Variants in SLC9B1 observed in about 807,000 individuals in gnomAD.
SLC9B1 encodes the protein solute carrier family 9 member B1.
A neutral mutation model predicts 51.7 loss-of-function variants in SLC9B1; 32 were observed. That is an observed-to-expected ratio of 0.62 (90% CI 0.47 to 0.83). The LOEUF is 0.83. Ranked by LOEUF, SLC9B1 falls within the 40% of genes least tolerant of loss-of-function variation. The probability of loss-of-function intolerance (pLI) is 0.00; values close to 1 mark genes in which losing one functional copy is unlikely to be tolerated. For missense variants in SLC9B1, 406 were observed against 613.2 expected (o/e 0.66, Z 3.57); for synonymous variants, 145 against 212.7 (o/e 0.68, Z 2.77).
At chr4:102,948,691 T>C (rs1737392283) in intron 4 of SLC9B1, among the ~76,000 whole-genome samples, 1 of 152,156 alleles carries the variant, frequency 6.6e-6, no homozygotes, top group Non-Finnish European at 1.5e-5. Flanking sequence ...AACACCATTA[T>C]CCTAAGTGAA....
intron 2 of SLC9B1, among the ~76,000 whole-genome samples, chr4:102,991,289 T>A (rs1739928509): frequency 6.6e-6 from 1 of 151,986 alleles, no homozygotes; most frequent in African/African-American, 2.4e-5. Flanking sequence ...AAAACTTGGG[T>A]CTCTTCAAAA....
chr4:102,942,176 A>G (rs982672989), intron 6 of SLC9B1, among the ~76,000 whole-genome samples: 22 of 152,204 alleles, frequency 1.4e-4, no homozygotes, highest in African/African-American at 5.1e-4. Context: ...TACAGTGAAA[A>G]CTACAAAACA....
chr4:102,991,635 G>GT lies in SLC9B1; in HGVS notation c.69+7dup. On this transcript the variant is annotated splice_region_variant and intron_variant, in intron 2 of 11. Coordinates refer to ENST00000296422, the MANE Select transcript of SLC9B1 (RefSeq NM_139173.4). ...ATCATATATTACAGTATACTTTTAAGTTTTTACCTGAGGAGTTGTAGATGT... is the reference window on the plus strand; with the variant it reads ...ATCATATATTACAGTATACTTTTAAGTTTTTTACCTGAGGAGTTGTAGATGT... 6 of 1,562,732 alleles carry GT rather than the reference G, an allele frequency of 3.8e-6. No individual in the cohort carries two copies. The highest frequency in any genetic ancestry group is 5.2e-6 in the Non-Finnish European group (6 of 1,149,674).
intron 1 of SLC9B1, among the ~76,000 whole-genome samples, chr4:103,002,180 G>A (rs570233347): frequency 6.6e-6 from 1 of 152,146 alleles, no homozygotes; most frequent in Non-Finnish European, 1.5e-5. Context: ...TGAGATTTGG[G>A]TGGGGACACA....
chr4:102,928,277 CTCAGTT>C (rs1191538557), intron 7 of SLC9B1, among the ~76,000 whole-genome samples: 1 of 152,198 alleles, frequency 6.6e-6, no homozygotes, highest in African/African-American at 2.4e-5. Context: ...AATCATCTCT[CTCAGTT>C]TCAAAGTTCC....
intron 7 of SLC9B1, among the ~76,000 whole-genome samples, chr4:102,918,147 G>T (rs1370897114): frequency 7.2e-6 from 1 of 139,042 alleles, no homozygotes; most frequent in African/African-American, 2.7e-5. Flanking sequence ...CAACAAAATT[G>T]ACAAATAATC....
intron 11 of SLC9B1, chr4:102,892,849 A>C (rs1478710414): frequency 6.6e-6 from 1 of 152,196 alleles, no homozygotes; most frequent in African/African-American, 2.4e-5. Context: ...ATCCCTCATA[A>C]ATTTCTCTGC....
chr4:103,000,787 T>C (rs6845598), intron 1 of SLC9B1, among the ~76,000 whole-genome samples: 8,708 of 152,308 alleles, frequency 0.057, 545 homozygotes, highest in African/African-American at 0.15. Context: ...ATTGAGTGTC[T>C]GCCGACATTA....
chr4:102,969,158 G>A (rs1401912179), intron 3 of SLC9B1, among the ~76,000 whole-genome samples: 10 of 152,234 alleles, frequency 6.6e-5, no homozygotes, highest in Admixed American at 6.5e-4. Flanking sequence ...AAACGTCCCT[G>A]TCTGACAGCT....
chr4:102,986,623 G>C (rs1327011334), intron 3 of SLC9B1, among the ~76,000 whole-genome samples: 2 of 151,940 alleles, frequency 1.3e-5, no homozygotes, highest in African/African-American at 2.4e-5. Context: ...TACACCTTTT[G>C]TAGTGACCCC....
chr4:103,019,639 C>G lies in SLC9B1; in HGVS notation c.-42G>C, dbSNP rs569163342. On this transcript the variant is annotated 5_prime_UTR_variant, in exon 1 of 12. Transcript: ENST00000296422. The stretch of plus-strand genomic sequence containing the variant: ...CAGCCCTCGCTGGCCCGGGAGCGGC[C>G]CAGGAGCCCAGTGACCGTTGCGTAA... 1.0e-6 allele frequency: 1 copy of G among 985,452 alleles called. No homozygotes were observed. Among genetic ancestry groups the G allele is most frequent in the South Asian group, 4.7e-5 (1 of 21,294 alleles). The allele number at this position is 985,452 out of a possible 1,614,324, so 61.0% of individuals were successfully genotyped here.
chr4:102,906,332 A>T (rs931655947), intron 10 of SLC9B1: 7 of 311,726 alleles, frequency 2.2e-5, no homozygotes, highest in Non-Finnish European at 3.4e-5. Flanking sequence ...CTCAGGGAAT[A>T]TATTCAGGGC....
Position 102,949,237 on chromosome 4 carries a change from A to G in SLC9B1, c.382+20T>C. 9 of 1,494,560 alleles carry G rather than the reference A, an allele frequency of 6.0e-6. No homozygotes were observed. The highest frequency in any genetic ancestry group is 8.1e-6 in the Non-Finnish European group (9 of 1,113,782). The allele number at this position is 1,494,560 out of a possible 1,614,324, so 92.6% of individuals were successfully genotyped here. A position where few individuals can be genotyped will look rare whatever the true frequency, so the allele number is the denominator to read the frequency against. On this transcript the variant is annotated intron_variant, in intron 4 of 11. Transcript: ENST00000296422. ...GCATATAGTCAATAATAAAGAAAAGAGAGCTAATTATATACTTACCAAGAA... is the reference window on the plus strand; with the variant it reads ...GCATATAGTCAATAATAAAGAAAAGGGAGCTAATTATATACTTACCAAGAA...
At chr4:102,982,536 CAATT>C (rs1739413722) in intron 3 of SLC9B1, among the ~76,000 whole-genome samples, 4 of 152,152 alleles carry the variant, frequency 2.6e-5, no homozygotes. Flanking sequence ...AAATATTTCT[CAATT>C]TATTTAGTTC....
In SLC9B1 at chr4:103,013,871, T is replaced by G. The variant is rs142575816; in HGVS notation, c.-2+5728A>C. 7.4e-4 allele frequency among the ~76,000 whole-genome samples: 113 copies of G among 152,364 alleles called. 1 individual carries two copies. In the East Asian group the frequency reaches 0.019, roughly 26 times the overall value. ...AAAATTTTATTCATTTCTTTCCAGA[T>G]AAATTGTCACTAGTCCAGTCCAGGC... is the stretch of plus-strand genomic sequence containing the variant. On this transcript the variant is annotated intron_variant, in intron 1 of 11. Transcript: ENST00000296422.
chr4:102,885,383 T>C, intron 11 of SLC9B1: 1 of 1,614,124 alleles, frequency 6.2e-7, no homozygotes. Context: ...CATTGAAGAT[T>C]TGTGTCTTAC....
chr4:102,908,758 T>C (rs1390550003), intron 9 of SLC9B1, among the ~76,000 whole-genome samples: 1 of 152,430 alleles, frequency 6.6e-6, no homozygotes, highest in Admixed American at 6.5e-5. Context: ...TTTACTTTCA[T>C]ACACCAGACA....
At chr4:102,944,371 G>A (rs1181251984) in intron 6 of SLC9B1, among the ~76,000 whole-genome samples, 1 of 152,056 alleles carries the variant, frequency 6.6e-6, no homozygotes, top group African/African-American at 2.4e-5. Flanking sequence ...TGTACCCCTT[G>A]AGCCGAAATA....
At chr4:102,937,493 G>A (rs1006732082) in intron 6 of SLC9B1, among the ~76,000 whole-genome samples, 1 of 149,178 alleles carries the variant, frequency 6.7e-6, no homozygotes, top group African/African-American at 2.5e-5. Flanking sequence ...TTGGGAGGCT[G>A]AGGGGGGTGG....
Sources: gnomAD v4.1 joint callset for allele counts (sites outside exome capture counted in the v4.1 genomes callset) on GRCh38, gnomAD v4.1.1 for gene constraint, MANE v1.5 for transcripts, NCBI Gene and HGNC (gene_info 2026-07-23, HGNC 2026-07-21) for gene names.